F8: variants seen among roughly 807,000 people sequenced by gnomAD.
The protein encoded by F8 is antihemophilic factor.
Under a neutral mutation model 140.6 loss-of-function variants are expected in F8, and 12 were observed. That is an observed-to-expected ratio of 0.09 (90% CI 0.05 to 0.14). The LOEUF (loss-of-function observed/expected upper bound fraction) is 0.14. Among genes scored for constraint, F8 ranks in the 10% least tolerant of loss-of-function variants. The pLI is 1.00. For missense variants in F8, 1,354 were observed against 1,720.7 expected, an observed-to-expected ratio of 0.79 and a Z score of 3.77; for synonymous variants, 585 against 614.6, an observed-to-expected ratio of 0.95 and a Z score of 0.71.
chrX:154,978,387 G>A (rs1317394162), intron 6 of F8, among the ~76,000 whole-genome samples: 1 of 111,610 alleles, frequency 9.0e-6, no homozygotes, highest in South Asian at 3.7e-4. Flanking sequence ...CACATGAGAT[G>A]TTTTGATACA....
chrX:155,009,861 G>GA (rs2073697753), intron 1 of F8, among the ~76,000 whole-genome samples: 1 of 112,008 alleles, frequency 8.9e-6, no homozygotes, highest in African/African-American at 3.2e-5. Flanking sequence ...AGAGCACACA[G>GA]AAACACTTTT....
At chrX:154,854,681 C>T (rs1264757557) in intron 25 of F8, among the ~76,000 whole-genome samples, 1 of 110,652 alleles carries the variant, frequency 9.0e-6, no homozygotes, top group East Asian at 2.8e-4. Context: ...CAGATTTTCA[C>T]ACCAAGAGTG....
At chrX:155,013,418 G>T (rs1486616139) in intron 1 of F8, among the ~76,000 whole-genome samples, 7 of 111,106 alleles carry the variant, frequency 6.3e-5, no homozygotes, top group Non-Finnish European at 1.3e-4. Context: ...ATGTGTCTTT[G>T]CTCCTCCTTT....
intron 4 of F8, among the ~76,000 whole-genome samples, chrX:154,988,970 C>T (rs1192377160): frequency 8.9e-6 from 1 of 112,046 alleles, no homozygotes; most frequent in African/African-American, 3.3e-5. Flanking sequence ...TAATTTCCAC[C>T]CCTTTTACTA....
chrX:154,948,018 T>C (rs2073316190), intron 12 of F8, 111 bp from the exon 13 acceptor site: 4 of 630,427 alleles, frequency 6.3e-6, no homozygotes, highest in Non-Finnish European at 1.0e-5. Context: ...CATTATCTTA[T>C]TCCCAGGAAG....
intron 12 of F8, among the ~76,000 whole-genome samples, chrX:154,949,639 T>C (rs1557280580): frequency 8.9e-6 from 1 of 111,924 alleles, no homozygotes; most frequent in African/African-American, 3.3e-5. Flanking sequence ...GAATGTGTTT[T>C]CTCACAGTTT....
At chrX:154,904,264 CA>C in intron 17 of F8, 31 bp downstream of exon 17, 1 of 1,150,570 alleles carries the variant, frequency 8.7e-7, no homozygotes, top group Non-Finnish European at 1.2e-6. Context: ...CTGCATTTCA[CA>C]GTGATAATGT....
At chrX:154,995,676 C>A (rs1557285034) in intron 3 of F8, among the ~76,000 whole-genome samples, 1 of 112,259 alleles carries the variant, frequency 8.9e-6, no homozygotes, top group African/African-American at 3.2e-5. Context: ...CTGGTAGTCA[C>A]ATTAAGAAAA....
intron 10 of F8, among the ~76,000 whole-genome samples, chrX:154,960,593 G>A (rs2073390596): frequency 9.8e-6 from 1 of 101,562 alleles, no homozygotes; most frequent in South Asian, 4.2e-4. Flanking sequence ...AAACCCTGTT[G>A]AGAGAGAGAG....
At chrX:154,890,611 A>G (rs1557275117) in intron 22 of F8, among the ~76,000 whole-genome samples, 2 of 112,291 alleles carry the variant, frequency 1.8e-5, no homozygotes. Context: ...AAAAAAGGAG[A>G]AAAGACATAT....
Position 154,993,162 on chromosome X carries a change from A to T in F8, c.389-14T>A. ...CATATTCAGCTCCTATAGCAGGAAG[A>T]AATAAAATTGTCCTTTCTATATCCA... On this transcript the variant is annotated splice_polypyrimidine_tract_variant and intron_variant, in intron 3 of 25. Coordinates refer to ENST00000360256, the MANE Select transcript of F8 (RefSeq NM_000132.4). The T allele has an allele frequency of 8.4e-7, 1 of 1,189,973 alleles. No individual in the cohort carries two copies. Among genetic ancestry groups the T allele is most frequent in the Non-Finnish European group, 1.1e-6 (1 of 876,042 alleles).
chrX:154,944,049 C>G (rs1454655174), intron 13 of F8, among the ~76,000 whole-genome samples: 2 of 111,649 alleles, frequency 1.8e-5, no homozygotes, highest in Non-Finnish European at 3.8e-5. Flanking sequence ...AACGTTAGAC[C>G]TAAAACCATA....
At chrX:154,914,055 C>T (rs1603433286) in intron 14 of F8, among the ~76,000 whole-genome samples, 2 of 113,214 alleles carry the variant, frequency 1.8e-5, no homozygotes, top group South Asian at 3.6e-4. Flanking sequence ...TCCATACATC[C>T]TCTGAAATCT....
intron 6 of F8, among the ~76,000 whole-genome samples, chrX:154,982,252 C>G (rs1557283738): frequency 9.4e-6 from 1 of 106,029 alleles, no homozygotes; most frequent in Admixed American, 1.0e-4. Flanking sequence ...TCGAGACCAT[C>G]CTGGCTAACA....
chrX:154,966,406 A>G lies in F8; in HGVS notation c.1271+20T>C, dbSNP rs782232391. The G allele has an allele frequency of 8.3e-7, 1 of 1,209,723 alleles. No individual in the cohort carries two copies. On this transcript the variant is annotated intron_variant, in intron 8 of 25. Transcript: ENST00000360256. Reference sequence around the variant, plus strand: ...TTGAGTATGGGGAAGAGAGAGTACCAATAGTCAAAAAGTGCTTACCTGTCA... The same window carrying G: ...TTGAGTATGGGGAAGAGAGAGTACCGATAGTCAAAAAGTGCTTACCTGTCA...
chrX:154,929,452 C>T lies in F8; in HGVS notation c.4338G>A (p.Gly1446=). 8.3e-7 allele frequency: 1 copy of T among 1,211,062 alleles called. No individual in the cohort carries two copies. The highest frequency in any genetic ancestry group is 1.7e-5 in the African/African-American group (1 of 57,604). Residue 1446 remains glycine (G), a synonymous_variant, in exon 14 of 26, where the codon GGG becomes GGA. Coordinates refer to ENST00000360256, the MANE Select transcript of F8 (RefSeq NM_000132.4). ...GTAAGAAATGACTGCTTTCTTGGAC[C>T]CCAGAATCTTTCTTTCTATAAGATG... ...PAASYRKKDS[G]VQESSHFLQG...
chrX:154,997,254 T>C (rs144333681), intron 2 of F8, among the ~76,000 whole-genome samples, 159 bp from the exon 3 acceptor site: 209 of 112,424 alleles, frequency 1.9e-3, no homozygotes, highest in Middle Eastern at 4.6e-3. Flanking sequence ...CCTAACCTTA[T>C]GGTTGCTCTG....
Position 154,930,253 on chromosome X carries a change from G to A in F8, c.3537C>T (p.Asp1179=), listed in dbSNP as rs782793796. Residue 1179 remains aspartate (D), a synonymous_variant, in exon 14 of 26, where the codon GAC becomes GAT. Coordinates refer to ENST00000360256, the MANE Select transcript of F8 (RefSeq NM_000132.4). The part of the protein sequence containing the change: ...VVVGKGEFTK[D]VGLKEMVFPS... Reference sequence around the variant, plus strand: ...GAAAAACCATCTCTTTGAGTCCTACGTCCTTTGTAAATTCACCCTTTCCTA... The same window carrying A: ...GAAAAACCATCTCTTTGAGTCCTACATCCTTTGTAAATTCACCCTTTCCTA... 11 of 1,208,188 alleles carry A rather than the reference G, an allele frequency of 9.1e-6. No individual in the cohort carries two copies. The South Asian group carries it at 1.1e-4, about 12-fold the overall frequency.
chrX:154,929,314 C>G lies in F8; in HGVS notation c.4476G>C (p.Lys1492Asn). Residue 1492 changes from lysine (K) to asparagine (N), a missense_variant, in exon 14 of 26, where the codon AAG becomes AAC. Around this residue, in one of 4 missense-constraint regions of F8, gnomAD observed 658 missense variants for 666.5 expected, o/e 0.99. Transcript: ENST00000360256. ...GTSATNSVTY[K>N]KVENTVLPKP... ...TCGGGAGAACAGTGTTCTCAACTTT[C>G]TTGTATGTGACTGAATTTGTGGCAC... 8.3e-7 allele frequency: 1 copy of G among 1,212,034 alleles called. No homozygotes were observed. Among genetic ancestry groups the G allele is most frequent in the Non-Finnish European group, 1.1e-6 (1 of 895,584 alleles).
Sources: gnomAD v4.1 joint callset for allele counts (sites outside exome capture counted in the v4.1 genomes callset) on GRCh38, gnomAD v4.1.1 for gene constraint, gnomAD v4.1.1 regional missense constraint, MANE v1.5 for transcripts, NCBI Gene and HGNC (gene_info 2026-07-23, HGNC 2026-07-21) for gene names.